Variants in STAG1 observed in about 807,000 individuals in gnomAD.
STAG1 encodes STAG1 cohesin complex component.
In STAG1, 26 loss-of-function variants were observed where a neutral mutation model predicts 170.9. The observed-to-expected ratio is 0.15, with a 90% CI of 0.11 to 0.21. The LOEUF (loss-of-function observed/expected upper bound fraction) is 0.21, where lower values mean the gene tolerates loss of function less well. Among genes scored for constraint, STAG1 ranks in the 10% least tolerant of loss-of-function variants. The pLI, the probability that STAG1 is intolerant of heterozygous loss-of-function variation, is 1.00. For missense variants in STAG1, 964 were observed against 1,509.5 expected, an observed-to-expected ratio of 0.64 and a Z score of 5.99; for synonymous variants, 514 against 497.7, an observed-to-expected ratio of 1.03 and a Z score of -0.44.
At chr3:136,615,146 T>C (rs189083122) in intron 3 of STAG1, among the ~76,000 whole-genome samples, 2 of 151,924 alleles carry the variant, frequency 1.3e-5, no homozygotes, top group South Asian at 2.1e-4. Context: ...GAATTAGTAT[T>C]AGTAAGATTA....
At chr3:136,715,550 G>A (rs1227093435) in intron 1 of STAG1, among the ~76,000 whole-genome samples, 1 of 151,446 alleles carries the variant, frequency 6.6e-6, no homozygotes, top group East Asian at 2.0e-4. Context: ...AACCCGGGAG[G>A]CAGAGGTTGC....
chr3:136,415,543 A>C (rs952666023), intron 21 of STAG1, among the ~76,000 whole-genome samples: 18 of 152,234 alleles, frequency 1.2e-4, no homozygotes, highest in African/African-American at 4.3e-4. Flanking sequence ...GGTTGTATTA[A>C]GAAGTGGTTG....
intron 2 of STAG1, among the ~76,000 whole-genome samples, chr3:136,628,213 TGAA>T (rs1445778633): frequency 2.0e-4 from 30 of 152,298 alleles, no homozygotes; most frequent in Non-Finnish European, 8.8e-5. Context: ...TGCTGTCTTG[TGAA>T]GAAGGTGCTT....
intron 19 of STAG1, among the ~76,000 whole-genome samples, chr3:136,421,539 G>T (rs978898376): frequency 6.6e-6 from 1 of 152,018 alleles, no homozygotes; most frequent in Non-Finnish European, 1.5e-5. Context: ...AAAAAAACTG[G>T]TAAGTTTCAA....
chr3:136,644,272 G>T (rs914450434), intron 1 of STAG1, among the ~76,000 whole-genome samples: 1 of 152,158 alleles, frequency 6.6e-6, no homozygotes, highest in East Asian at 1.9e-4. Flanking sequence ...CCAACAGAAG[G>T]TTTTTCAGAA....
chr3:136,430,630 A>G (rs1422886329), intron 16 of STAG1, among the ~76,000 whole-genome samples: 2 of 150,914 alleles, frequency 1.3e-5, no homozygotes, highest in Non-Finnish European at 3.0e-5. Context: ...AGAGCTTAAA[A>G]AAAAAAAAAA....
Position 136,406,749 on chromosome 3 carries a change from A to G in STAG1, c.2197-7920T>C, listed in dbSNP as rs148125588. Among the ~76,000 whole-genome samples the G allele has an allele frequency of 6.6e-3, 1,007 of 152,324 alleles. 12 individuals carry two copies. The highest frequency in any genetic ancestry group is 0.023 in the African/African-American group (956 of 41,594). On this transcript the variant is annotated intron_variant, in intron 21 of 33. Transcript: ENST00000383202. ...TGTACTGTATTATTAGCAGGATGCT[A>G]TATCATAAGTTAAAAAAATAAAAAA... is the stretch of plus-strand genomic sequence containing the variant.
chr3:136,528,504 C>CCCA (rs1935195062), intron 6 of STAG1, among the ~76,000 whole-genome samples: 1 of 143,996 alleles, frequency 6.9e-6, no homozygotes, highest in Non-Finnish European at 1.5e-5. Context: ...ACCCCCCCCC[C>CCCA]CAAAAAATCA....
intron 11 of STAG1, among the ~76,000 whole-genome samples, chr3:136,473,143 A>G (rs1415976835): frequency 6.6e-6 from 1 of 152,152 alleles, no homozygotes; most frequent in Non-Finnish European, 1.5e-5. Context: ...TGTGCTCCTT[A>G]TGAGAATCTA....
chr3:136,502,900 G>T, intron 7 of STAG1, 121 bp from the exon 8 acceptor site: 2 of 740,590 alleles, frequency 2.7e-6, no homozygotes, highest in South Asian at 4.4e-5. Flanking sequence ...TACAACCCAG[G>T]CATAATTTAA....
At chr3:136,564,763 T>A (rs1020448024) in intron 5 of STAG1, among the ~76,000 whole-genome samples, 2 of 151,976 alleles carry the variant, frequency 1.3e-5, no homozygotes, top group African/African-American at 4.8e-5. Context: ...AAAACAGTAA[T>A]GGTTCTCAAC....
chr3:136,358,543 A>C (rs1002894805), intron 27 of STAG1, among the ~76,000 whole-genome samples: 3 of 152,192 alleles, frequency 2.0e-5, no homozygotes, highest in Non-Finnish European at 4.4e-5. Flanking sequence ...TGAAACCCAA[A>C]TCAGTTTTGT....
In STAG1 at chr3:136,631,631, C is replaced by T. The variant is rs560474007; in HGVS notation, c.-83-650G>A. 3.9e-4 allele frequency among the ~76,000 whole-genome samples: 59 copies of T among 152,260 alleles called. 1 individual carries two copies. In the South Asian group the frequency reaches 6.2e-3, roughly 16 times the overall value. ...TCTCTCGTGCAGGACGTTGATAGTA[C>T]GGTAGGCTGTGCACGTGTAGGGACA... On this transcript the variant is annotated intron_variant, in intron 1 of 33. Transcript: ENST00000383202.
At position 136,410,068 on chromosome 3, in the gene STAG1, TA is replaced by T. The variant is rs766763989; in HGVS notation, c.2196+7816del. Among the ~76,000 whole-genome samples the T allele has an allele frequency of 5.7e-3, 533 of 93,054 alleles. 3 individuals carry two copies. Among genetic ancestry groups the T allele is most frequent in the Middle Eastern group, 0.019 (3 of 158 alleles). The allele number at this position is 93,054 out of a possible 152,430, so 61.0% of individuals were successfully genotyped here. A position where few individuals can be genotyped will look rare whatever the true frequency, so the allele number is the denominator to read the frequency against. On this transcript the variant is annotated intron_variant, in intron 21 of 33. Transcript: ENST00000383202. ...CTGTGCAACAGGGAAAGTCCTTGTC[TA>T]AAAAAAAAAAAAAAAAAAAAAGATA... is the stretch of plus-strand genomic sequence containing the variant.
chr3:136,704,022 A>G (rs995214221), intron 1 of STAG1, among the ~76,000 whole-genome samples: 1 of 150,612 alleles, frequency 6.6e-6, no homozygotes, highest in Admixed American at 6.6e-5. Flanking sequence ...AAAAACTAAC[A>G]AACAAAAAAA....
intron 2 of STAG1, among the ~76,000 whole-genome samples, chr3:136,625,871 TTTAAAG>T (rs1559916927): frequency 2.6e-5 from 4 of 152,214 alleles, no homozygotes; most frequent in African/African-American, 2.4e-5. Flanking sequence ...CTTATATATC[TTTAAAG>T]TTAATCTGGT....
At chr3:136,460,766 C>T (rs1020553709) in intron 13 of STAG1, among the ~76,000 whole-genome samples, 77 of 152,024 alleles carry the variant, frequency 5.1e-4, no homozygotes, top group Non-Finnish European at 3.7e-4. Flanking sequence ...AACACCAATT[C>T]TACTCAAACT....
chr3:136,635,895 G>C (rs1940531456), intron 1 of STAG1, among the ~76,000 whole-genome samples: 1 of 152,120 alleles, frequency 6.6e-6, no homozygotes, highest in South Asian at 2.1e-4. Flanking sequence ...TAAATTCTTA[G>C]GTGTAAATCC....
At chr3:136,397,043 A>G (rs537544840) in intron 22 of STAG1, among the ~76,000 whole-genome samples, 1 of 152,328 alleles carries the variant, frequency 6.6e-6, no homozygotes, top group East Asian at 1.9e-4. Flanking sequence ...ACTCTGAAAA[A>G]ATAACACTCC....
Sources: gnomAD v4.1 joint callset for allele counts (sites outside exome capture counted in the v4.1 genomes callset) on GRCh38, gnomAD v4.1.1 for gene constraint, MANE v1.5 for transcripts, NCBI Gene and HGNC (gene_info 2026-07-23, HGNC 2026-07-21) for gene names.